The following SORCS2 variants were observed in gnomAD, a reference collection of about 807,000 sequenced individuals.
SORCS2 encodes the protein VPS10 domain-containing receptor SorCS2.
SORCS2 carries 100 observed loss-of-function variants against 141.6 expected under a neutral mutation model. The observed-to-expected ratio is 0.71, with a 90% CI of 0.60 to 0.83. SORCS2 has a LOEUF of 0.83. Among genes scored for constraint, SORCS2 ranks in the 40% least tolerant of loss-of-function variants. The pLI, the probability that SORCS2 is intolerant of heterozygous loss-of-function variation, is 0.00. For missense variants in SORCS2, 1,646 were observed against 1,560.2 expected, an observed-to-expected ratio of 1.05 and a Z score of -0.93; for synonymous variants, 789 against 676.9, an observed-to-expected ratio of 1.17 and a Z score of -2.57.
intron 1 of SORCS2, among the ~76,000 whole-genome samples, chr4:7,388,566 C>T (rs561165241): frequency 6.6e-6 from 1 of 152,178 alleles, no homozygotes; most frequent in Non-Finnish European, 1.5e-5. Flanking sequence ...TCCCCACCCA[C>T]AGGTGTCCAC....
chr4:7,585,828 T>C (rs1180507664), intron 3 of SORCS2, among the ~76,000 whole-genome samples: 1 of 152,216 alleles, frequency 6.6e-6, no homozygotes, highest in African/African-American at 2.4e-5. Context: ...ACTCCATCCC[T>C]GTTGAAGGAC....
In SORCS2 at chr4:7,206,709, G is replaced by C. The variant is rs77293100; in HGVS notation, c.480+13583G>C. On this transcript the variant is annotated intron_variant, in intron 1 of 26. Transcript: ENST00000507866. ...GTCCTGGTGACACCCACGCCTCCATGGTGGGGCCACTGGGTCAGCCAGGAG... is the reference window on the plus strand; with the variant it reads ...GTCCTGGTGACACCCACGCCTCCATCGTGGGGCCACTGGGTCAGCCAGGAG... 7.9e-3 allele frequency among the ~76,000 whole-genome samples: 1,205 copies of C among 152,264 alleles called. 24 individuals are homozygous for C. Among genetic ancestry groups the C allele is most frequent in the African/African-American group, 0.028 (1,143 of 41,552 alleles).
intron 3 of SORCS2, among the ~76,000 whole-genome samples, chr4:7,532,061 C>G (rs528399387): frequency 6.6e-6 from 1 of 152,336 alleles, no homozygotes; most frequent in African/African-American, 2.4e-5. Flanking sequence ...TCTGAGCTCT[C>G]CTTGCTGTTT....
chr4:7,449,488 C>T (rs1349130691), intron 2 of SORCS2, among the ~76,000 whole-genome samples: 2 of 147,526 alleles, frequency 1.4e-5, no homozygotes, highest in Non-Finnish European at 3.0e-5. Flanking sequence ...GGCAAGTTAC[C>T]ACGTGACGTT....
chr4:7,517,561 T>A (rs1262147319), intron 2 of SORCS2, among the ~76,000 whole-genome samples: 3 of 152,192 alleles, frequency 2.0e-5, no homozygotes, highest in Non-Finnish European at 2.9e-5. Flanking sequence ...AGTGTCAGAT[T>A]CTATAATCTG....
intron 14 of SORCS2, among the ~76,000 whole-genome samples, chr4:7,710,423 T>TGC (rs1560501874): frequency 0.053 from 8,116 of 152,084 alleles, 717 homozygotes; most frequent in African/African-American, 0.18. Flanking sequence ...CCAGTGGCTG[T>TGC]TGCTGCTGCT....
intron 3 of SORCS2, among the ~76,000 whole-genome samples, chr4:7,607,356 G>A (rs1718124619): frequency 6.6e-6 from 1 of 152,180 alleles, no homozygotes. Flanking sequence ...TCCTCCTGGG[G>A]AGGTGGAGAG....
rs1420349583 is a variant in SORCS2, at chr4:7,663,063, AGAGTGGGTGAAT to A, written c.953-1284_953-1273del. On this transcript the variant is annotated intron_variant, in intron 6 of 26. Transcript: ENST00000507866. This position sits in a 1 kb window ranked among gnomAD's most constrained non-coding sequence, Gnocchi z 4.8. ...GTGAGTGAAGGAATGATTGAGTGAAAGAGTGGGTGAATGAGTGAGTGAGTGAGTGAATGAGTA... is the reference window on the plus strand; with the variant it reads ...GTGAGTGAAGGAATGATTGAGTGAAAGAGTGAGTGAGTGAGTGAATGAGTA... Among the ~76,000 whole-genome samples the A allele has an allele frequency of 6.6e-6, 1 of 151,414 alleles. No homozygotes were observed. The highest frequency in any genetic ancestry group is 1.9e-4 in the East Asian group (1 of 5,140).
At chr4:7,505,535 G>A (rs1577670382) in intron 2 of SORCS2, among the ~76,000 whole-genome samples, 1 of 152,172 alleles carries the variant, frequency 6.6e-6, no homozygotes, top group East Asian at 1.9e-4. Context: ...TGGCATTGGA[G>A]CCCTCTCACT....
chr4:7,380,471 GAATTCA>G (rs11278158), intron 1 of SORCS2, among the ~76,000 whole-genome samples: 89,738 of 151,212 alleles, frequency 0.59, 27,808 homozygotes, highest in African/African-American at 0.73. Flanking sequence ...TGGAGATTCT[GAATTCA>G]AATTCAAGAG....
chr4:7,373,491 T>A lies in SORCS2; in HGVS notation c.481-22797T>A, dbSNP rs1275441588. On this transcript the variant is annotated intron_variant, in intron 1 of 26. Transcript: ENST00000507866. Reference sequence around the variant, plus strand: ...ATATATATATATATTTTTTTTTTTTTTTTTTTTTTTTTTTTGAGTCGGGGT... The same window carrying A: ...ATATATATATATATTTTTTTTTTTTATTTTTTTTTTTTTTTGAGTCGGGGT... Among the ~76,000 whole-genome samples the A allele has an allele frequency of 6.0e-3, 616 of 102,882 alleles. 11 individuals are homozygous for A. The highest frequency in any genetic ancestry group is 0.019 in the African/African-American group (452 of 23,740). 67.5% of individuals were successfully genotyped at this position (102,882 alleles called of 152,430 possible).
intron 3 of SORCS2, among the ~76,000 whole-genome samples, chr4:7,576,263 G>A (rs1251152997): frequency 6.6e-6 from 1 of 152,208 alleles, no homozygotes; most frequent in Non-Finnish European, 1.5e-5. Flanking sequence ...GGGAGGCGTG[G>A]GTTGGCTGTG....
intron 1 of SORCS2, among the ~76,000 whole-genome samples, chr4:7,369,507 T>C (rs541571378): frequency 6.6e-6 from 1 of 152,246 alleles, no homozygotes; most frequent in Non-Finnish European, 1.5e-5. Flanking sequence ...CACAGAGCCG[T>C]ATTTGCTAAG....
At chr4:7,712,384 TG>T (rs1388677845) in intron 14 of SORCS2, among the ~76,000 whole-genome samples, 1 of 152,188 alleles carries the variant, frequency 6.6e-6, no homozygotes, top group Non-Finnish European at 1.5e-5. Context: ...AGGACCACTG[TG>T]GGGGCCGTGG....
At chr4:7,491,312 T>C (rs2109401255) in intron 2 of SORCS2, among the ~76,000 whole-genome samples, 1 of 152,334 alleles carries the variant, frequency 6.6e-6, no homozygotes, top group Admixed American at 6.5e-5. Flanking sequence ...GTTGTGGTGC[T>C]GGGTGGCCCT....
chr4:7,407,033 C>T (rs112444787), intron 2 of SORCS2, among the ~76,000 whole-genome samples: 3,063 of 152,040 alleles, frequency 0.02, 97 homozygotes, highest in African/African-American at 0.07. Context: ...TATTTATTTG[C>T]GGTCAGAAAA....
At chr4:7,631,721 G>C (rs965469235) in intron 3 of SORCS2, among the ~76,000 whole-genome samples, 1 of 152,138 alleles carries the variant, frequency 6.6e-6, no homozygotes, top group African/African-American at 2.4e-5. Flanking sequence ...GAGTCAGTCA[G>C]TCCCCTCCAG....
At chr4:7,434,111 G>A (rs376306805) in intron 2 of SORCS2, 1 of 1,612,694 alleles carries the variant, frequency 6.2e-7, no homozygotes, top group African/African-American at 1.3e-5. Context: ...GGTGCCCCTA[G>A]CTCCTCACAG....
At chr4:7,591,309 C>G (rs1359599032) in intron 3 of SORCS2, among the ~76,000 whole-genome samples, 1 of 152,206 alleles carries the variant, frequency 6.6e-6, no homozygotes, top group East Asian at 1.9e-4. Context: ...TCCCGTTTTA[C>G]AGCCAGAACC....
Sources: gnomAD v4.1 joint callset for allele counts (sites outside exome capture counted in the v4.1 genomes callset) on GRCh38, gnomAD v4.1.1 for gene constraint, Gnocchi (gnomAD v3.1) non-coding constraint, MANE v1.5 for transcripts, NCBI Gene and HGNC (gene_info 2026-07-23, HGNC 2026-07-21) for gene names.